Variants in PPP4R3A observed in about 807,000 individuals in gnomAD.
PPP4R3A encodes serine/threonine-protein phosphatase 4 regulatory subunit 3A.
In PPP4R3A, 15 loss-of-function variants were observed where a neutral mutation model predicts 91.7. The observed-to-expected ratio is 0.16, with a 90% CI of 0.11 to 0.25. The LOEUF (loss-of-function observed/expected upper bound fraction) is 0.25. PPP4R3A is among the 10% of genes least tolerant of loss of function. The pLI, the probability that PPP4R3A is intolerant of heterozygous loss-of-function variation, is 1.00. For missense variants in PPP4R3A, 623 were observed against 998.4 expected (o/e 0.62, Z 5.07); for synonymous variants, 377 against 348.7 (o/e 1.08, Z -0.91).
intron 10 of PPP4R3A, among the ~76,000 whole-genome samples, chr14:91,469,116 TAAAAA>T (rs34445337): frequency 7.5e-6 from 1 of 133,158 alleles, no homozygotes; most frequent in Non-Finnish European, 1.6e-5. Context: ...ATTTTTTCTG[TAAAAA>T]AAAAAAAAAA....
At chr14:91,462,713 G>T in intron 12 of PPP4R3A, 22 bp downstream of exon 12, 1 of 1,612,872 alleles carries the variant, frequency 6.2e-7, no homozygotes, top group Non-Finnish European at 8.5e-7. Context: ...GAACGAATAG[G>T]TTTAAATATA....
At chr14:91,469,195 C>T (rs757686714) in intron 10 of PPP4R3A, among the ~76,000 whole-genome samples, 2 of 150,894 alleles carry the variant, frequency 1.3e-5, no homozygotes, top group Non-Finnish European at 2.9e-5. Flanking sequence ...CTTAGCGTTC[C>T]AATAATGGAA....
intron 1 of PPP4R3A, among the ~76,000 whole-genome samples, chr14:91,507,444 CTA>C (rs1566660441): frequency 7.6e-5 from 10 of 131,950 alleles, no homozygotes; most frequent in South Asian, 2.2e-4. Context: ...ATTATATATA[CTA>C]TATAGTATAT....
rs1287926542 is a variant in PPP4R3A at position 91,465,424 on chromosome 14, AAC to A, written c.1661-7_1661-6del. 3 of 1,581,670 alleles carry A rather than the reference AAC, an allele frequency of 1.9e-6. No homozygotes were observed. The highest frequency in any genetic ancestry group is 2.6e-6 in the Non-Finnish European group (3 of 1,167,938). ...TTCTTTTAAAACGAAGGGCACCTGA[AAC>A]ACAGAGGCATGGTTGTTTAAATCAC... On this transcript the variant is annotated splice_polypyrimidine_tract_variant and splice_region_variant and intron_variant, in intron 10 of 14. Coordinates refer to ENST00000554943, the MANE Select transcript of PPP4R3A (RefSeq NM_001366432.2).
intron 1 of PPP4R3A, 80 bp downstream of exon 1, chr14:91,509,424 AGC>A: frequency 6.6e-7 from 1 of 1,519,948 alleles, no homozygotes. Context: ...TCGTGGAGCG[AGC>A]GCCATGCCCC....
chr14:91,496,462 C>A (rs1310080856), intron 1 of PPP4R3A, among the ~76,000 whole-genome samples: 1 of 152,116 alleles, frequency 6.6e-6, no homozygotes, highest in Non-Finnish European at 1.5e-5. Context: ...GCCACCTAAT[C>A]CCTAATAGCA....
intron 1 of PPP4R3A, among the ~76,000 whole-genome samples, chr14:91,492,756 A>G (rs1296486764): frequency 6.6e-6 from 1 of 152,214 alleles, no homozygotes; most frequent in African/African-American, 2.4e-5. Context: ...GGACGCTCAG[A>G]TAAGCATTCT....
chr14:91,458,673 A>ACT lies in PPP4R3A; in HGVS notation c.*84_*85dup. Reference sequence around the variant, plus strand: ...CTGTGTCAGTCATTCACAAGAGACCACTGCGCTTTGTTGTGGATTTTGTAT... The same window carrying ACT: ...CTGTGTCAGTCATTCACAAGAGACCACTCTGCGCTTTGTTGTGGATTTTGTAT... On this transcript the variant is annotated 3_prime_UTR_variant, in exon 15 of 15. Transcript: ENST00000554943. 6.3e-7 allele frequency: 1 copy of ACT among 1,584,896 alleles called. No individual in the cohort carries two copies. The highest frequency in any genetic ancestry group is 8.7e-7 in the Non-Finnish European group (1 of 1,154,168).
chr14:91,477,944 C>T (rs908207036), intron 4 of PPP4R3A, among the ~76,000 whole-genome samples: 4 of 119,070 alleles, frequency 3.4e-5, no homozygotes, highest in African/African-American at 6.4e-5. Context: ...CCACCATGCT[C>T]GACCAAGATT....
intron 1 of PPP4R3A, among the ~76,000 whole-genome samples, chr14:91,499,075 C>A: frequency 6.6e-6 from 1 of 151,786 alleles, no homozygotes; most frequent in East Asian, 1.9e-4. Flanking sequence ...ATGTGAGCCA[C>A]CACGCCCAGC....
At chr14:91,510,457 G>A (rs1245155844), upstream of PPP4R3A, 1 of 152,392 alleles carries the variant, frequency 6.6e-6, no homozygotes, top group African/African-American at 2.4e-5. Context: ...CGGGAGCGCA[G>A]GGAGCGGAGG....
chr14:91,486,435 G>C (rs1889886971), intron 2 of PPP4R3A, among the ~76,000 whole-genome samples: 1 of 152,038 alleles, frequency 6.6e-6, no homozygotes, highest in Admixed American at 6.6e-5. Context: ...GCCTCCCAAA[G>C]CACTGGGATT....
chr14:91,505,460 A>C (rs113840361), intron 1 of PPP4R3A, among the ~76,000 whole-genome samples: 3 of 151,532 alleles, frequency 2.0e-5, no homozygotes, highest in Non-Finnish European at 2.9e-5. Context: ...AAAAAAAAAA[A>C]CACACACCAT....
chr14:91,463,424 T>C (rs1172247760), intron 11 of PPP4R3A, among the ~76,000 whole-genome samples: 1 of 151,982 alleles, frequency 6.6e-6, no homozygotes, highest in Non-Finnish European at 1.5e-5. Flanking sequence ...CTGATTCTGA[T>C]GTGCGGGCTG....
chr14:91,462,236 C>T lies in PPP4R3A; in HGVS notation c.1977G>A (p.Met659Ile). Reference protein sequence around the residue: ...ERQDNPKLDSMRSILRNHRYR... With the variant: ...ERQDNPKLDSIRSILRNHRYR... ...ATCTGTGATTCCTCAAAATGGAACG[C>T]ATACTATGAGTAGGGAAGAAAGAGT... The change falls in exon 13 of 15, where the codon ATG becomes ATA. Residue 659 changes from methionine to isoleucine, a missense_variant. Physicochemically the swap from Met to Ile is conservative, Grantham distance 10. This residue lies in a region of PPP4R3A where 201 missense variants were observed against 229.9 expected (regional missense o/e 0.87). Transcript: ENST00000554943. 1 of 1,582,506 alleles carries T rather than the reference C, an allele frequency of 6.3e-7. No homozygotes were observed.
chr14:91,476,141 CATTT>C (rs1407042568), intron 6 of PPP4R3A, among the ~76,000 whole-genome samples, 175 bp from the exon 7 acceptor site: 2 of 152,200 alleles, frequency 1.3e-5, no homozygotes, highest in South Asian at 2.1e-4. Context: ...CTTTCTAAAT[CATTT>C]ATTTGTTTGC....
chr14:91,457,947 A>T lies in PPP4R3A; in HGVS notation c.*812T>A, dbSNP rs1414677906. ...TCTTTCATAAAACTCTAAACAAATT[A>T]AGAACTGTGATGTAGAACAAAAATT... On this transcript the variant is annotated 3_prime_UTR_variant, in exon 15 of 15. Transcript: ENST00000554943. 1 of 152,624 alleles carries T rather than the reference A, an allele frequency of 6.6e-6. No homozygotes were observed. Among genetic ancestry groups the T allele is most frequent in the Non-Finnish European group, 1.5e-5 (1 of 68,036 alleles). The allele number at this position is 152,624 out of a possible 1,614,324, so 9.5% of individuals were successfully genotyped here.
chr14:91,476,292 G>T, intron 6 of PPP4R3A, 116 bp downstream of exon 6: 2 of 834,398 alleles, frequency 2.4e-6, no homozygotes, highest in Non-Finnish European at 3.9e-6. Flanking sequence ...TTAACTTAAT[G>T]AACTACGCAG....
At chr14:91,467,388 T>A (rs1466440949) in intron 10 of PPP4R3A, among the ~76,000 whole-genome samples, 1 of 152,206 alleles carries the variant, frequency 6.6e-6, no homozygotes, top group Non-Finnish European at 1.5e-5. Context: ...TCCACTCACA[T>A]CTCTAACCTT....
Sources: allele counts gnomAD v4.1 joint callset (sites outside exome capture counted in the v4.1 genomes callset), GRCh38; gene constraint gnomAD v4.1.1; regional missense constraint gnomAD v4.1.1; transcripts MANE v1.5; gene names NCBI Gene and HGNC (gene_info 2026-07-23, HGNC 2026-07-21).